Variants in BMPR2 observed in about 807,000 individuals in gnomAD.
The protein encoded by BMPR2 is bone morphogenetic protein receptor type 2.
Under a neutral mutation model 100.8 loss-of-function variants are expected in BMPR2, and 29 were observed. The observed-to-expected ratio is 0.29, with a 90% CI of 0.21 to 0.39. BMPR2 has a LOEUF of 0.39. Among genes scored for constraint, BMPR2 ranks in the 10% least tolerant of loss-of-function variants. The pLI, the probability that BMPR2 is intolerant of heterozygous loss-of-function variation, is 1.00. For missense variants in BMPR2, 1,011 were observed against 1,274.5 expected (o/e 0.79, Z 3.15); for synonymous variants, 382 against 442.3 (o/e 0.86, Z 1.71).
intron 1 of BMPR2, among the ~76,000 whole-genome samples, chr2:202,410,225 T>C (rs896339484): frequency 6.6e-6 from 1 of 151,966 alleles, no homozygotes; most frequent in Admixed American, 6.6e-5. Context: ...CCTCAAGTGA[T>C]CCGCCCGCCT....
At chr2:202,549,624 C>T (rs1052619706) in intron 10 of BMPR2, among the ~76,000 whole-genome samples, 1 of 151,822 alleles carries the variant, frequency 6.6e-6, no homozygotes, top group Admixed American at 6.6e-5. Flanking sequence ...TGGTGCATAC[C>T]TGTAATCCCA....
In BMPR2 at chr2:202,461,016, A is replaced by AT. The variant is rs541898170; in HGVS notation, c.77-3787dup. 3.2e-3 allele frequency among the ~76,000 whole-genome samples: 481 copies of AT among 152,012 alleles called. 2 individuals are homozygous for AT. Among genetic ancestry groups the AT allele is most frequent in the African/African-American group, 0.011 (465 of 41,478 alleles). On this transcript the variant is annotated intron_variant, in intron 1 of 12. Coordinates refer to ENST00000374580, the MANE Select transcript of BMPR2 (RefSeq NM_001204.7). Reference sequence around the variant, plus strand: ...CAGGCATGCACTACCATATTTAAAAATTTTTTAATTCCTTGTGGTTACCTT... The same window carrying AT: ...CAGGCATGCACTACCATATTTAAAAATTTTTTTAATTCCTTGTGGTTACCTT...
intron 1 of BMPR2, among the ~76,000 whole-genome samples, chr2:202,390,084 A>G (rs1253682188): frequency 6.6e-6 from 1 of 152,066 alleles, no homozygotes; most frequent in African/African-American, 2.4e-5. Context: ...ATAATCTTTA[A>G]TGCTTTTTTA....
intron 9 of BMPR2, among the ~76,000 whole-genome samples, chr2:202,533,135 C>CT (rs1041097831): frequency 1.2e-4 from 18 of 151,368 alleles, no homozygotes; most frequent in African/African-American, 4.1e-4. Flanking sequence ...TTTTCCTTTT[C>CT]TTTTTTTTTC....
chr2:202,383,214 TGAGGTCAGGATTTC>T (rs1273954199), intron 1 of BMPR2, among the ~76,000 whole-genome samples: 1 of 152,162 alleles, frequency 6.6e-6, no homozygotes, highest in African/African-American at 2.4e-5. Context: ...GCGGATCACT[TGAGGTCAGGATTTC>T]GAGACCAGCC....
rs1174906639 is a variant in BMPR2 at position 202,532,315 on chromosome 2, C to G, written c.1129-270C>G. On this transcript the variant is annotated intron_variant, in intron 8 of 12. Transcript: ENST00000374580. This position sits in a 1 kb window ranked among gnomAD's most constrained non-coding sequence, Gnocchi z 4.1. ...TTGTTTTGCAATTTTCTCACTGTAT[C>G]TTACAGATTATTTATATTGATATAC... 6.6e-6 allele frequency among the ~76,000 whole-genome samples: 1 copy of G among 152,038 alleles called. No homozygotes were observed. Among genetic ancestry groups the G allele is most frequent in the Non-Finnish European group, 1.5e-5 (1 of 68,014 alleles).
At chr2:202,491,151 GGCTCAA>G (rs1334358175) in intron 3 of BMPR2, among the ~76,000 whole-genome samples, 18 of 151,998 alleles carry the variant, frequency 1.2e-4, no homozygotes. Flanking sequence ...GGAACTCCTG[GGCTCAA>G]GCAGTCCTCC....
Position 202,556,521 on chromosome 2 carries a change from C to T in BMPR2, c.2856C>T (p.Ser952=). 1 of 1,612,742 alleles carries T rather than the reference C, an allele frequency of 6.2e-7. No homozygotes were observed. The highest frequency in any genetic ancestry group is 8.5e-7 in the Non-Finnish European group (1 of 1,180,028). Residue 952 remains serine (S), a synonymous_variant, in exon 12 of 13, where the codon AGC becomes AGT. Transcript: ENST00000374580. ...CAGCCACAAATGTCCTGGATGGCAG[C>T]AGTATACAGAGTAAGTGGAGGGATC... ...DLSATNVLDG[S]SIQIGESTQD...
chr2:202,452,511 T>C (rs1262022219), intron 1 of BMPR2, among the ~76,000 whole-genome samples: 2 of 152,184 alleles, frequency 1.3e-5, no homozygotes, highest in Non-Finnish European at 2.9e-5. Context: ...TAGTCAGGCA[T>C]TGTGGCTTGT....
At chr2:202,486,035 G>A (rs1692771220) in intron 3 of BMPR2, among the ~76,000 whole-genome samples, 1 of 151,966 alleles carries the variant, frequency 6.6e-6, no homozygotes, top group Non-Finnish European at 1.5e-5. Context: ...AAGCATTGAA[G>A]GATTTTAAAG....
chr2:202,482,700 A>G (rs1015806326), intron 3 of BMPR2, among the ~76,000 whole-genome samples: 4 of 152,018 alleles, frequency 2.6e-5, no homozygotes, highest in Non-Finnish European at 4.4e-5. Context: ...CACTATGTCC[A>G]GCTAATTTTT....
At chr2:202,469,761 G>T (rs1692397565) in intron 3 of BMPR2, among the ~76,000 whole-genome samples, 1 of 152,032 alleles carries the variant, frequency 6.6e-6, no homozygotes, top group Admixed American at 6.6e-5. Context: ...GAGACTACAG[G>T]CCTGAGCCAC....
chr2:202,475,011 T>G (rs1466134819), intron 3 of BMPR2: 2 of 152,190 alleles, frequency 1.3e-5, no homozygotes, highest in Admixed American at 6.5e-5. Context: ...ATTGTTAATA[T>G]TTAGAATGTT....
intron 1 of BMPR2, among the ~76,000 whole-genome samples, chr2:202,391,053 C>T (rs560243349): frequency 5.8e-5 from 7 of 119,992 alleles, no homozygotes; most frequent in African/African-American, 9.7e-5. Context: ...GGTGCAATGG[C>T]GCAACCTCTG....
chr2:202,455,765 CTTAAAA>C (rs1415105421), intron 1 of BMPR2, among the ~76,000 whole-genome samples: 9 of 151,954 alleles, frequency 5.9e-5, no homozygotes, highest in African/African-American at 1.4e-4. Context: ...TACTTTTTAT[CTTAAAA>C]TTAAAGTAGT....
At chr2:202,383,186 T>C (rs1690337160) in intron 1 of BMPR2, among the ~76,000 whole-genome samples, 1 of 152,180 alleles carries the variant, frequency 6.6e-6, no homozygotes, top group African/African-American at 2.4e-5. Flanking sequence ...ATCCTGGCAC[T>C]TGGGGAGGCC....
At chr2:202,523,804 CAAAAAGA>C (rs1273031290) in intron 7 of BMPR2, among the ~76,000 whole-genome samples, 1 of 151,200 alleles carries the variant, frequency 6.6e-6, no homozygotes, top group Admixed American at 6.6e-5. Flanking sequence ...AACTCCATCT[CAAAAAGA>C]AAAAAGAAAA....
At position 202,556,283 on chromosome 2, in the gene BMPR2, G is replaced by A. The variant is rs201781338; in HGVS notation, c.2618G>A (p.Arg873Gln). 5.6e-5 allele frequency: 91 copies of A among 1,614,186 alleles called. No individual in the cohort carries two copies. Among genetic ancestry groups the A allele is most frequent in the East Asian group, 5.6e-4 (25 of 44,880 alleles). ...SPDEHEPLLR[R>Q]EQQAGHDEGV... is the part of the protein sequence containing the mutation. Reference sequence around the variant, plus strand: ...GATGAGCATGAGCCTTTACTGAGACGAGAGCAACAAGCTGGCCATGATGAA... The same window carrying A: ...GATGAGCATGAGCCTTTACTGAGACAAGAGCAACAAGCTGGCCATGATGAA... Residue 873 changes from arginine to glutamine, a missense_variant, in exon 12 of 13, where the codon CGA becomes CAA. By Grantham distance (43) the Arg-to-Gln change is conservative. Transcript: ENST00000374580.
At position 202,542,336 on chromosome 2, in the gene BMPR2, G is replaced by T; in HGVS notation, c.1302G>T (p.Met434Ile). The change falls in exon 10 of 13, where the codon ATG becomes ATT. Residue 434 changes from methionine to isoleucine, a missense_variant. Met to Ile is a conservative substitution (Grantham distance 10). Around this residue, in one of 6 missense-constraint regions of BMPR2, gnomAD observed 83 missense variants for 140.7 expected, o/e 0.59. Coordinates refer to ENST00000374580, the MANE Select transcript of BMPR2 (RefSeq NM_001204.7). ...GGGAATCCGTACCAGAGTACCAGAT[G>T]GCTTTTCAGACAGAGGTTGGAAACC... Reference protein sequence around the residue: ...FPGESVPEYQMAFQTEVGNHP... With the variant: ...FPGESVPEYQIAFQTEVGNHP... The T allele has an allele frequency of 6.2e-7, 1 of 1,613,950 alleles. No individual in the cohort carries two copies. Among genetic ancestry groups the T allele is most frequent in the Non-Finnish European group, 8.5e-7 (1 of 1,179,952 alleles).
Sources: gnomAD v4.1 joint callset for allele counts (sites outside exome capture counted in the v4.1 genomes callset) on GRCh38, gnomAD v4.1.1 for gene constraint, gnomAD v4.1.1 regional missense constraint, Gnocchi (gnomAD v3.1) non-coding constraint, MANE v1.5 for transcripts, NCBI Gene and HGNC (gene_info 2026-07-23, HGNC 2026-07-21) for gene names.